Variants in RNLS observed in about 807,000 individuals in gnomAD.
RNLS encodes the protein renalase, FAD dependent amine oxidase.
Under a neutral mutation model 39.8 loss-of-function variants are expected in RNLS, and 39 were observed. That is an observed-to-expected ratio of 0.98 (90% CI 0.76 to 1.28). The LOEUF is 1.28. Ranked by LOEUF, RNLS falls within the 50% of genes most tolerant of loss-of-function variation. The pLI is 0.00. For missense variants in RNLS, 410 were observed against 413.3 expected, an observed-to-expected ratio of 0.99 and a Z score of 0.07; for synonymous variants, 147 against 150.7, an observed-to-expected ratio of 0.98 and a Z score of 0.18.
intron 4 of RNLS, among the ~76,000 whole-genome samples, chr10:88,447,294 T>G (rs1842091358): frequency 6.6e-6 from 1 of 152,214 alleles, no homozygotes; most frequent in Non-Finnish European, 1.5e-5. Flanking sequence ...CTCCTTAAGC[T>G]GATAAGCAAC....
chr10:88,570,615 G>A (rs1849764412), intron 4 of RNLS, among the ~76,000 whole-genome samples: 1 of 152,218 alleles, frequency 6.6e-6, no homozygotes, highest in South Asian at 2.1e-4. Context: ...AATCCAAGAT[G>A]CTGCAATTCC....
At chr10:88,345,885 A>G (rs1373950372) in intron 5 of RNLS, among the ~76,000 whole-genome samples, 1 of 152,158 alleles carries the variant, frequency 6.6e-6, no homozygotes, top group Non-Finnish European at 1.5e-5. Context: ...GTGCTGAGTT[A>G]CAGTATGAAA....
At chr10:88,403,530 A>T (rs1171014240) in intron 4 of RNLS, among the ~76,000 whole-genome samples, 1 of 152,090 alleles carries the variant, frequency 6.6e-6, no homozygotes, top group Non-Finnish European at 1.5e-5. Flanking sequence ...TCACATTGGG[A>T]TTATAGATAA....
chr10:88,524,081 C>A (rs1183622118), intron 4 of RNLS, among the ~76,000 whole-genome samples: 1 of 151,928 alleles, frequency 6.6e-6, no homozygotes, highest in Non-Finnish European at 1.5e-5. Context: ...TCTATCTTCT[C>A]GTAATTTTTG....
chr10:88,311,628 C>A (rs926469134), intron 6 of RNLS, among the ~76,000 whole-genome samples: 1 of 152,178 alleles, frequency 6.6e-6, no homozygotes, highest in Non-Finnish European at 1.5e-5. Flanking sequence ...CACAAGAATG[C>A]ACCATTAGCT....
At chr10:88,318,590 A>C (rs1845942266) in intron 5 of RNLS, among the ~76,000 whole-genome samples, 1 of 152,178 alleles carries the variant, frequency 6.6e-6, no homozygotes, top group Admixed American at 6.5e-5. Flanking sequence ...GACCCTACAC[A>C]AAACAGCAGC....
chr10:88,382,199 A>C (rs192582564), intron 4 of RNLS, among the ~76,000 whole-genome samples: 1 of 152,200 alleles, frequency 6.6e-6, no homozygotes, highest in African/African-American at 2.4e-5. Flanking sequence ...TTTCATACCT[A>C]TCATCTCAAA....
At chr10:88,338,447 A>T in intron 5 of RNLS, among the ~76,000 whole-genome samples, 1 of 152,270 alleles carries the variant, frequency 6.6e-6, no homozygotes, top group East Asian at 1.9e-4. Context: ...TGCAATTCAC[A>T]TACTGAAACG....
At chr10:88,335,412 G>T (rs954596982) in intron 5 of RNLS, among the ~76,000 whole-genome samples, 1 of 151,872 alleles carries the variant, frequency 6.6e-6, no homozygotes, top group African/African-American at 2.4e-5. Context: ...AGAGATGGGG[G>T]TCTTGCTCTG....
At chr10:88,422,987 GA>G (rs1854499507) in intron 4 of RNLS, among the ~76,000 whole-genome samples, 1 of 152,102 alleles carries the variant, frequency 6.6e-6, no homozygotes, top group African/African-American at 2.4e-5. Flanking sequence ...GGCCTCAAGT[GA>G]TCCACCCACC....
rs368779164 is a variant in RNLS at position 88,375,537 on chromosome 10, TACA to T, written c.527-12815_527-12813del. On this transcript the variant is annotated intron_variant, in intron 4 of 6. Transcript: ENST00000331772. The stretch of plus-strand genomic sequence containing the variant: ...TTCAGGCAAGCCTGAGATGGCAGAT[TACA>T]ACATTATTTCTATGGGAACACCCAT... Among the ~76,000 whole-genome samples, 163 of 152,304 alleles carry T rather than the reference TACA, an allele frequency of 1.1e-3. 2 individuals carry two copies. The highest frequency in any genetic ancestry group is 3.6e-3 in the African/African-American group (148 of 41,566).
chr10:88,576,347 G>T (rs932937803), intron 3 of RNLS, among the ~76,000 whole-genome samples: 2 of 152,178 alleles, frequency 1.3e-5, no homozygotes, highest in Non-Finnish European at 2.9e-5. Flanking sequence ...AAAGATATCA[G>T]AAGTCTAAGA....
chr10:88,414,890 G>C (rs1250218217), intron 4 of RNLS, among the ~76,000 whole-genome samples: 1 of 152,160 alleles, frequency 6.6e-6, no homozygotes, highest in Non-Finnish European at 1.5e-5. Flanking sequence ...GAATTCTTTT[G>C]AGAGGAGCAT....
intron 5 of RNLS, among the ~76,000 whole-genome samples, chr10:88,337,999 C>G (rs1266606264): frequency 6.6e-6 from 1 of 152,108 alleles, no homozygotes; most frequent in Non-Finnish European, 1.5e-5. Flanking sequence ...GAAAGCATGA[C>G]CAAATAATTA....
chr10:88,530,066 A>G (rs951307115), intron 4 of RNLS, among the ~76,000 whole-genome samples: 4 of 152,224 alleles, frequency 2.6e-5, no homozygotes, highest in South Asian at 2.1e-4. Context: ...TTACTAATGA[A>G]AAAACAATTC....
At chr10:88,453,134 A>G (rs2185785) in intron 4 of RNLS, among the ~76,000 whole-genome samples, 24,271 of 152,252 alleles carry the variant, frequency 0.16, 2,200 homozygotes, top group Admixed American at 0.26. Context: ...AGAACTTATT[A>G]TAAGAAGCAA....
Position 88,379,412 on chromosome 10 carries a change from A to T in RNLS, c.527-16687T>A, listed in dbSNP as rs185931316. 2.9e-3 allele frequency among the ~76,000 whole-genome samples: 397 copies of T among 135,786 alleles called. 3 individuals carry two copies. Among genetic ancestry groups the T allele is most frequent in the African/African-American group, 0.01 (369 of 35,822 alleles). 89.1% of individuals were successfully genotyped at this position (135,786 alleles called of 152,430 possible). On this transcript the variant is annotated intron_variant, in intron 4 of 6. Coordinates refer to ENST00000331772, the MANE Select transcript of RNLS (RefSeq NM_001031709.3). ...TGTTTTTTATTTAATAGGGAAAAAT[A>T]GTGCTAAAATTTCAAATGATTTTTT...
At chr10:88,435,234 A>G (rs759638066) in intron 4 of RNLS, among the ~76,000 whole-genome samples, 21 of 152,298 alleles carry the variant, frequency 1.4e-4, no homozygotes, top group African/African-American at 4.1e-4. Flanking sequence ...ACCACTCAGT[A>G]TAACTGGAGA....
intron 4 of RNLS, among the ~76,000 whole-genome samples, chr10:88,431,676 G>A (rs75281503): frequency 5.2e-4 from 79 of 151,542 alleles, no homozygotes; most frequent in Non-Finnish European, 9.0e-4. Context: ...TTGTATTTTC[G>A]CATTAATTCA....
Sources: allele counts gnomAD v4.1 joint callset (sites outside exome capture counted in the v4.1 genomes callset), GRCh38; gene constraint gnomAD v4.1.1; transcripts MANE v1.5; gene names NCBI Gene and HGNC (gene_info 2026-07-23, HGNC 2026-07-21).